Variants in SYT9 observed in about 807,000 individuals in gnomAD.
SYT9 encodes the protein synaptotagmin 9, also known as synaptotagmin-9.
Under a neutral mutation model 48.4 loss-of-function variants are expected in SYT9, and 22 were observed. The ratio of observed to expected loss-of-function variants is 0.45; its 90% CI spans 0.32 to 0.65. The LOEUF (loss-of-function observed/expected upper bound fraction) is 0.65. Among genes scored for constraint, SYT9 ranks in the 30% least tolerant of loss-of-function variants. The pLI is 0.03. For missense variants in SYT9, 577 were observed against 622.0 expected (o/e 0.93, Z 0.77); for synonymous variants, 265 against 245.0 (o/e 1.08, Z -0.76).
chr11:7,424,426 A>G (rs1238515214), intron 6 of SYT9, among the ~76,000 whole-genome samples: 1 of 152,118 alleles, frequency 6.6e-6, no homozygotes, highest in Non-Finnish European at 1.5e-5. Context: ...CCACCAATTC[A>G]AGAGAAGATG....
chr11:7,311,025 A>C (rs961013388), intron 2 of SYT9, among the ~76,000 whole-genome samples: 3 of 152,218 alleles, frequency 2.0e-5, no homozygotes, highest in Admixed American at 6.5e-5. Context: ...TATGGTGGCC[A>C]GGCACAGTGG....
chr11:7,239,965 G>A (rs1018189), intron 1 of SYT9, among the ~76,000 whole-genome samples: 54,777 of 152,012 alleles, frequency 0.36, 10,306 homozygotes, highest in Middle Eastern at 0.38. Flanking sequence ...CTGATTATAT[G>A]AACTGGAGAG....
chr11:7,369,794 A>AAACACACACACACAC (rs1564879657), intron 3 of SYT9, among the ~76,000 whole-genome samples: 305 of 143,954 alleles, frequency 2.1e-3, no homozygotes, highest in South Asian at 4.8e-3. Context: ...CACACACACA[A>AAACACACACACACAC]ACACACACAC....
intron 2 of SYT9, among the ~76,000 whole-genome samples, chr11:7,306,403 G>A (rs1849031258): frequency 6.6e-6 from 1 of 152,104 alleles, no homozygotes; most frequent in African/African-American, 2.4e-5. Context: ...GGTCTATTAA[G>A]GCCCTGCATT....
rs560599563 is a variant in SYT9 at position 7,312,108 on chromosome 11, C to A, written c.498-1287C>A. 1.2e-4 allele frequency among the ~76,000 whole-genome samples: 19 copies of A among 152,178 alleles called. No homozygotes were observed. In the South Asian group the frequency reaches 3.9e-3, roughly 32 times the overall value. On this transcript the variant is annotated intron_variant, in intron 2 of 6. Coordinates refer to ENST00000318881, the MANE Select transcript of SYT9 (RefSeq NM_175733.4). ...TGGACTGTGTTAGATGTGACAGGTA[C>A]CAGTGACAGCTCTGTGACGGTACTC...
intron 6 of SYT9, among the ~76,000 whole-genome samples, chr11:7,456,174 C>T (rs74380492): frequency 0.08 from 12,142 of 152,228 alleles, 727 homozygotes; most frequent in Non-Finnish European, 0.13. Flanking sequence ...AGGTCTGGGG[C>T]ATAGGGTCTG....
At chr11:7,415,983 C>A in intron 3 of SYT9, 59 bp from the exon 4 acceptor site, 1 of 1,609,604 alleles carries the variant, frequency 6.2e-7, no homozygotes, top group Non-Finnish European at 8.5e-7. Flanking sequence ...TGAAGCTGAG[C>A]CTCTTGCACA....
chr11:7,296,374 C>G (rs1415981242), intron 1 of SYT9, among the ~76,000 whole-genome samples: 1 of 152,222 alleles, frequency 6.6e-6, no homozygotes, highest in East Asian at 1.9e-4. Flanking sequence ...TAAGTTCAAT[C>G]ATTTAAACAA....
intron 2 of SYT9, 104 bp from the exon 3 acceptor site, chr11:7,313,291 C>G: frequency 8.1e-7 from 1 of 1,228,956 alleles, no homozygotes; most frequent in Non-Finnish European, 1.1e-6. Flanking sequence ...CAGATCTAAG[C>G]TCCTGACAAA....
chr11:7,450,622 G>A (rs574080932), intron 6 of SYT9, among the ~76,000 whole-genome samples: 2 of 152,242 alleles, frequency 1.3e-5, no homozygotes, highest in African/African-American at 4.8e-5. Flanking sequence ...ATCTCTGCCT[G>A]TTGGACATAG....
chr11:7,320,042 G>T (rs372288707), intron 3 of SYT9, among the ~76,000 whole-genome samples: 35 of 152,104 alleles, frequency 2.3e-4, no homozygotes, highest in African/African-American at 7.7e-4. Context: ...TTTTTAAAAA[G>T]CCATTTTGCT....
chr11:7,341,685 T>C (rs904114954), intron 3 of SYT9, among the ~76,000 whole-genome samples: 1 of 152,156 alleles, frequency 6.6e-6, no homozygotes, highest in African/African-American at 2.4e-5. Flanking sequence ...GAGTTGGTTT[T>C]ATGAAGCAGA....
intron 1 of SYT9, among the ~76,000 whole-genome samples, chr11:7,241,546 G>C (rs1309351086): frequency 6.6e-6 from 1 of 152,214 alleles, no homozygotes; most frequent in Non-Finnish European, 1.5e-5. Context: ...CAGAAGAGAA[G>C]TAGCTAAGGA....
intron 1 of SYT9, among the ~76,000 whole-genome samples, chr11:7,285,172 T>G (rs1192154005): frequency 6.6e-6 from 1 of 152,180 alleles, no homozygotes; most frequent in Non-Finnish European, 1.5e-5. Context: ...CATGACTGTA[T>G]TAGTCTGTTC....
At chr11:7,391,776 C>T (rs1846621042) in intron 3 of SYT9, among the ~76,000 whole-genome samples, 1 of 86,512 alleles carries the variant, frequency 1.2e-5, no homozygotes, top group Non-Finnish European at 2.5e-5. Flanking sequence ...CCTAGCTAGG[C>T]GTGGTGGCAT....
chr11:7,342,347 T>A (rs1016295369), intron 3 of SYT9, among the ~76,000 whole-genome samples: 4 of 152,178 alleles, frequency 2.6e-5, no homozygotes, highest in Non-Finnish European at 5.9e-5. Flanking sequence ...AGTTAGTTAC[T>A]TCCTAGATAC....
chr11:7,412,712 C>T (rs1468420024), intron 3 of SYT9, among the ~76,000 whole-genome samples: 11 of 152,196 alleles, frequency 7.2e-5, no homozygotes, highest in Admixed American at 5.2e-4. Flanking sequence ...GACTGGTTCT[C>T]TTGCCCTTGG....
At chr11:7,244,535 G>A (rs1847772562) in intron 1 of SYT9, among the ~76,000 whole-genome samples, 1 of 152,146 alleles carries the variant, frequency 6.6e-6, no homozygotes, top group African/African-American at 2.4e-5. Flanking sequence ...GATAAATTAT[G>A]TATACTTCAG....
chr11:7,436,014 A>G (rs887159874), intron 6 of SYT9: 3 of 152,222 alleles, frequency 2.0e-5, no homozygotes. Context: ...TGAAAAGACC[A>G]GAAGAGAACT....
Sources: gnomAD v4.1 joint callset for allele counts (sites outside exome capture counted in the v4.1 genomes callset) on GRCh38, gnomAD v4.1.1 for gene constraint, MANE v1.5 for transcripts, NCBI Gene and HGNC (gene_info 2026-07-23, HGNC 2026-07-21) for gene names.